The following C11orf65 variants were observed in gnomAD, a reference collection of about 807,000 sequenced individuals.
The protein encoded by C11orf65 is protein MFI.
C11orf65 carries 38 observed loss-of-function variants against 35.3 expected under a neutral mutation model. That is an observed-to-expected ratio of 1.08 (90% CI 0.83 to 1.41). C11orf65 has a LOEUF of 1.41. Ranked by LOEUF, C11orf65 falls within the 40% of genes most tolerant of loss-of-function variation. The pLI is 0.00. For missense variants in C11orf65, 370 were observed against 367.1 expected (o/e 1.01, Z -0.06); for synonymous variants, 105 against 114.4 (o/e 0.92, Z 0.53).
chr11:108,344,650 G>A (rs186647940), intron 2 of C11orf65, among the ~76,000 whole-genome samples: 2 of 152,058 alleles, frequency 1.3e-5, no homozygotes, highest in African/African-American at 2.4e-5. Context: ...AGGGAGAATC[G>A]TGGGTAGAGA....
At chr11:108,405,221 G>A (rs1172343347) in intron 6 of C11orf65, among the ~76,000 whole-genome samples, 1 of 152,022 alleles carries the variant, frequency 6.6e-6, no homozygotes, top group Non-Finnish European at 1.5e-5. Flanking sequence ...AGCCTCTCTT[G>A]GTGTGTAGGC....
chr11:108,374,179 GCCT>G (rs201376168), intron 2 of C11orf65, among the ~76,000 whole-genome samples: 1,881 of 138,770 alleles, frequency 0.014, 49 homozygotes, highest in African/African-American at 0.043. Context: ...TGGGCAGACT[GCCT>G]CCTCAAGTAG....
chr11:108,338,633 A>C (rs227067), intron 2 of C11orf65, among the ~76,000 whole-genome samples: 1 of 151,726 alleles, frequency 6.6e-6, no homozygotes, highest in Non-Finnish European at 1.5e-5. Flanking sequence ...TCCAGTCTGG[A>C]CAACAGAGCA....
intron 6 of C11orf65, chr11:108,315,728 G>T: frequency 1.2e-6 from 1 of 824,038 alleles, no homozygotes; most frequent in South Asian, 1.4e-5. Flanking sequence ...TTAGAGTTGG[G>T]AGTTACATAT....
chr11:108,375,510 A>G (rs227083), intron 2 of C11orf65, among the ~76,000 whole-genome samples: 80,544 of 148,092 alleles, frequency 0.54, 22,384 homozygotes, highest in Middle Eastern at 0.74. Flanking sequence ...AGGAACAACC[A>G]GTACCAGCCA....
chr11:108,359,850 A>G (rs1482946759), intron 2 of C11orf65, among the ~76,000 whole-genome samples: 2 of 152,196 alleles, frequency 1.3e-5, no homozygotes, highest in East Asian at 3.8e-4. Flanking sequence ...AGCAGGAAAG[A>G]TCCAAAACTG....
At position 108,357,580 on chromosome 11, in the gene C11orf65, G is replaced by T. The variant is rs1045964811; in HGVS notation, c.227-22288C>A. ...TTTGAAGAGAGTAGTGGTTCTCCCAGCACGCAGCTGGAGATCGGACAACAG... is the reference window on the plus strand; with the variant it reads ...TTTGAAGAGAGTAGTGGTTCTCCCATCACGCAGCTGGAGATCGGACAACAG... On this transcript the variant is annotated intron_variant, in intron 2 of 3. Transcript: ENST00000524755. Among the ~76,000 whole-genome samples, 3 of 152,296 alleles carry T rather than the reference G, an allele frequency of 2.0e-5. No homozygotes were observed. The East Asian group carries it at 5.8e-4, about 29-fold the overall frequency.
chr11:108,394,057 G>A (rs923622414), intron 6 of C11orf65, among the ~76,000 whole-genome samples: 1 of 151,530 alleles, frequency 6.6e-6, no homozygotes, highest in Non-Finnish European at 1.5e-5. Flanking sequence ...GCGGGCCCCT[G>A]TAATCCCAGC....
intron 2 of C11orf65, among the ~76,000 whole-genome samples, chr11:108,438,067 G>A (rs1413019744): frequency 1.3e-5 from 2 of 152,160 alleles, no homozygotes; most frequent in South Asian, 2.1e-4. Flanking sequence ...ATAGGCCAAT[G>A]GAATAGCATA....
chr11:108,373,992 C>G (rs2138136617), intron 2 of C11orf65, among the ~76,000 whole-genome samples: 1 of 152,360 alleles, frequency 6.6e-6, no homozygotes, highest in East Asian at 1.9e-4. Context: ...CGCCATTGCC[C>G]AGGCTCGCTT....
chr11:108,422,304 G>A (rs1006996565), intron 3 of C11orf65, among the ~76,000 whole-genome samples: 2 of 152,166 alleles, frequency 1.3e-5, no homozygotes, highest in Non-Finnish European at 1.5e-5. Flanking sequence ...AAATTGAAAA[G>A]CTAATTCAAA....
At chr11:108,424,832 A>G (rs1345597454) in intron 3 of C11orf65, among the ~76,000 whole-genome samples, 1 of 152,256 alleles carries the variant, frequency 6.6e-6, no homozygotes, top group Admixed American at 6.5e-5. Flanking sequence ...CAATCAAATT[A>G]GAACTCCGGA....
At chr11:108,327,640 T>C (rs1555120913), downstream of C11orf65, 1 of 1,612,052 alleles carries the variant, frequency 6.2e-7, no homozygotes, top group Non-Finnish European at 8.5e-7. Context: ...GCCTTTCTTA[T>C]ACAGAACAAT....
intron 2 of C11orf65, among the ~76,000 whole-genome samples, chr11:108,358,593 T>A (rs952742833): frequency 8.1e-6 from 1 of 123,424 alleles, no homozygotes; most frequent in African/African-American, 3.1e-5. Flanking sequence ...TAACAGCAGA[T>A]CTCTCGGCAG....
chr11:108,329,752 G>C (rs1474107068), downstream of C11orf65, among the ~76,000 whole-genome samples: 3 of 152,172 alleles, frequency 2.0e-5, no homozygotes, highest in Non-Finnish European at 4.4e-5. Flanking sequence ...TAGTATGTAA[G>C]ATATTGACGT....
intron 2 of C11orf65, among the ~76,000 whole-genome samples, chr11:108,351,801 A>G (rs2137223136): frequency 6.6e-6 from 1 of 152,354 alleles, no homozygotes; most frequent in African/African-American, 2.4e-5. Flanking sequence ...CTGGGACTCC[A>G]GTAACCCTAT....
At chr11:108,366,575 A>G (rs899511430) in intron 2 of C11orf65, 14 of 230,010 alleles carry the variant, frequency 6.1e-5, no homozygotes, top group South Asian at 1.8e-4. Context: ...GGCTTTATCT[A>G]TGGGAATCTT....
chr11:108,369,074 G>T (rs975549009), intron 2 of C11orf65: 6 of 172,716 alleles, frequency 3.5e-5, no homozygotes, highest in African/African-American at 1.4e-4. Context: ...ATTATAAAGT[G>T]TTTTTGAATA....
At chr11:108,388,335 C>T (rs2092064085) in intron 7 of C11orf65, among the ~76,000 whole-genome samples, 1 of 152,156 alleles carries the variant, frequency 6.6e-6, no homozygotes, top group African/African-American at 2.4e-5. Context: ...CTAAGTTTTA[C>T]AGACATAGAA....
Sources: allele counts gnomAD v4.1 joint callset (sites outside exome capture counted in the v4.1 genomes callset), GRCh38; gene constraint gnomAD v4.1.1; transcripts MANE v1.5; gene names NCBI Gene and HGNC (gene_info 2026-07-23, HGNC 2026-07-21).